Variants in TBCD observed in about 807,000 individuals in gnomAD.
TBCD encodes the protein tubulin-specific chaperone D.
TBCD carries 105 observed loss-of-function variants against 169.3 expected under a neutral mutation model. The observed-to-expected ratio is 0.62, with a 90% confidence interval of 0.53 to 0.73. TBCD has a LOEUF of 0.73. Ranked by LOEUF, TBCD falls within the 30% of genes least tolerant of loss-of-function variation. The pLI is 0.00. For missense variants in TBCD, 1,444 were observed against 1,600.1 expected, an observed-to-expected ratio of 0.90 and a Z score of 1.66; for synonymous variants, 700 against 643.9, an observed-to-expected ratio of 1.09 and a Z score of -1.32.
At chr17:82,887,173 G>GCGCGCGCGCACGTGCGCTCA (rs1555632430) in intron 15 of TBCD, among the ~76,000 whole-genome samples, 2 of 66,916 alleles carry the variant, frequency 3.0e-5, no homozygotes, top group East Asian at 3.2e-4. Context: ...GTGTGTGCGC[G>GCGCGCGCGCACGTGCGCTCA]CGCGCGCACG....
chr17:82,861,220 A>C (rs892688372), intron 13 of TBCD, among the ~76,000 whole-genome samples: 5 of 152,174 alleles, frequency 3.3e-5, no homozygotes, highest in Non-Finnish European at 7.3e-5. Flanking sequence ...GGACCCACCC[A>C]GTCCTGCCAG....
At chr17:82,862,013 C>T (rs1393408537) in intron 13 of TBCD, among the ~76,000 whole-genome samples, 1 of 151,950 alleles carries the variant, frequency 6.6e-6, no homozygotes, top group Non-Finnish European at 1.5e-5. Flanking sequence ...ACCTCCGCCT[C>T]CCAGGTTCAC....
chr17:82,911,266 T>A (rs2060620875), intron 22 of TBCD, among the ~76,000 whole-genome samples: 2 of 152,206 alleles, frequency 1.3e-5, no homozygotes, highest in South Asian at 4.1e-4. Flanking sequence ...GGAGTGAATA[T>A]TTTGCCCTCC....
At chr17:82,887,934 G>A (rs1308617569) in intron 15 of TBCD, among the ~76,000 whole-genome samples, 3 of 152,132 alleles carry the variant, frequency 2.0e-5, no homozygotes, top group Non-Finnish European at 4.4e-5. Context: ...TTTCTAAGTG[G>A]ATTGTTTTTT....
At position 82,779,000 on chromosome 17, in the gene TBCD, G is replaced by GTTTA. The variant is rs72200309; in HGVS notation, c.639-2561_639-2558dup. On this transcript the variant is annotated intron_variant, in intron 6 of 38. Transcript: ENST00000355528. ...TTTTGTATTATTTTCTAGAGATGGG[G>GTTTA]TTTATTTATTTATTTATTTATTTAT... is the stretch of plus-strand genomic sequence containing the variant. Among the ~76,000 whole-genome samples the GTTTA allele has an allele frequency of 1.8e-3, 272 of 147,962 alleles. 1 individual carries two copies. Among genetic ancestry groups the GTTTA allele is most frequent in the South Asian group, 6.7e-3 (31 of 4,616 alleles).
intron 23 of TBCD, 59 bp downstream of exon 23, chr17:82,911,848 A>G: frequency 1.3e-6 from 2 of 1,597,788 alleles, no homozygotes; most frequent in Non-Finnish European, 1.7e-6. Context: ...TCGTTGAGGG[A>G]GGTGTGCTCG....
intron 34 of TBCD, among the ~76,000 whole-genome samples, chr17:82,934,824 C>T (rs967974488): frequency 3.9e-5 from 6 of 152,126 alleles, no homozygotes; most frequent in Middle Eastern, 3.4e-3. Context: ...TAAGCCTGGG[C>T]GCCATGGCTC....
In TBCD at chr17:82,940,669, C is replaced by T. The variant is rs1465455838; in HGVS notation, c.3480-730C>T. Among the ~76,000 whole-genome samples, 8 of 152,124 alleles carry T rather than the reference C, an allele frequency of 5.3e-5. No homozygotes were observed. In the East Asian group the frequency reaches 1.3e-3, roughly 26 times the overall value. On this transcript the variant is annotated intron_variant, in intron 37 of 38. Transcript: ENST00000355528. ...AAACACGTGGTCCCAGGAGAGGAAC[C>T]GGGAGCAGCTGGGCTGTCTTCTCAA...
chr17:82,877,076 A>G (rs2058028448), intron 14 of TBCD: 2 of 741,194 alleles, frequency 2.7e-6, no homozygotes, highest in South Asian at 1.2e-4. Context: ...ATTTAAACAA[A>G]TAACACATTT....
rs527325863 is a variant in TBCD, at chr17:82,850,098, C to T, written c.1319-20126C>T. Among the ~76,000 whole-genome samples, 7 of 83,214 alleles carry T rather than the reference C, an allele frequency of 8.4e-5. No homozygotes were observed. The South Asian group carries it at 1.3e-3, about 15-fold the overall frequency. The allele number at this position is 83,214 out of a possible 152,430, so 54.6% of individuals were successfully genotyped here. A position where few individuals can be genotyped will look rare whatever the true frequency, so the allele number is the denominator to read the frequency against. The stretch of plus-strand genomic sequence containing the variant: ...CTGTGCTGTGCTGCTGTTGGCTGTG[C>T]TGCTGTTGGCTGTGCTGCTGTTGGC... On this transcript the variant is annotated intron_variant, in intron 13 of 38. Coordinates refer to ENST00000355528, the MANE Select transcript of TBCD (RefSeq NM_005993.5).
rs191634181 is a variant in TBCD at position 82,907,734 on chromosome 17, T to C, written c.1923-27T>C. 2.0e-4 allele frequency: 316 copies of C among 1,613,182 alleles called. 1 individual carries two copies. Among genetic ancestry groups the C allele is most frequent in the Admixed American group, 8.0e-4 (48 of 59,940 alleles). On this transcript the variant is annotated intron_variant, in intron 20 of 38. Coordinates refer to ENST00000355528, the MANE Select transcript of TBCD (RefSeq NM_005993.5). ...GGGTTAGGGTCTTGGGGAGTGTGAC[T>C]TCAGCTCTGTGTTTGAACTTCTGCA... is the stretch of plus-strand genomic sequence containing the variant.
In TBCD at chr17:82,938,145, C is replaced by T; in HGVS notation, c.3369+9C>T. 1 of 1,610,624 alleles carries T rather than the reference C, an allele frequency of 6.2e-7. No individual in the cohort carries two copies. The highest frequency in any genetic ancestry group is 8.5e-7 in the Non-Finnish European group (1 of 1,179,368). ...GCCACCGTTTCCCGCTGGTGAGTGCCTGCCCCTGCTCACGTGTGTTTGCCG... is the reference window on the plus strand; with the variant it reads ...GCCACCGTTTCCCGCTGGTGAGTGCTTGCCCCTGCTCACGTGTGTTTGCCG... On this transcript the variant is annotated intron_variant, in intron 36 of 38. Coordinates refer to ENST00000355528, the MANE Select transcript of TBCD (RefSeq NM_005993.5).
chr17:82,791,091 CTTTTTTTTTTTT>C (rs35648641), intron 7 of TBCD, among the ~76,000 whole-genome samples: 1 of 124,652 alleles, frequency 8.0e-6, no homozygotes, highest in Non-Finnish European at 1.6e-5. Context: ...TCTCTTGCAT[CTTTTTTTTTTTT>C]TTTTTTTAGA....
chr17:82,845,345 G>T (rs2054930915), intron 13 of TBCD, among the ~76,000 whole-genome samples: 1 of 148,800 alleles, frequency 6.7e-6, no homozygotes, highest in Admixed American at 6.7e-5. Context: ...TGTCTGGCCT[G>T]GCCCCTTCCT....
intron 26 of TBCD, among the ~76,000 whole-genome samples, chr17:82,924,681 G>T (rs1277007471): frequency 6.6e-6 from 1 of 152,206 alleles, no homozygotes. Context: ...GCTGAGTGTG[G>T]GGTTGAGGCT....
intron 12 of TBCD, among the ~76,000 whole-genome samples, chr17:82,810,023 T>C (rs1293318493): frequency 6.6e-6 from 1 of 152,216 alleles, no homozygotes; most frequent in African/African-American, 2.4e-5. Flanking sequence ...CATATACCCA[T>C]GTAGATGTTT....
intron 13 of TBCD, among the ~76,000 whole-genome samples, chr17:82,855,717 C>A (rs182430547): frequency 5.9e-5 from 9 of 152,348 alleles, no homozygotes; most frequent in Admixed American, 4.6e-4. Context: ...GCTATTACTT[C>A]TGTCTACTTT....
chr17:82,792,546 C>T (rs2049821543), intron 7 of TBCD, among the ~76,000 whole-genome samples: 2 of 152,124 alleles, frequency 1.3e-5, no homozygotes, highest in Admixed American at 1.3e-4. Flanking sequence ...CGTAGGAAGC[C>T]ACAATCATTT....
At chr17:82,771,649 C>T (rs1235188986) in intron 5 of TBCD, among the ~76,000 whole-genome samples, 8 of 152,124 alleles carry the variant, frequency 5.3e-5, no homozygotes, top group African/African-American at 1.2e-4. Flanking sequence ...AAACTCCTGA[C>T]CTCAGGTGAT....
Sources: gnomAD v4.1 joint callset for allele counts (sites outside exome capture counted in the v4.1 genomes callset) on GRCh38, gnomAD v4.1.1 for gene constraint, MANE v1.5 for transcripts, NCBI Gene and HGNC (gene_info 2026-07-23, HGNC 2026-07-21) for gene names.